The following YIF1A variants were observed in gnomAD, a reference collection of about 807,000 sequenced individuals.
YIF1A encodes Yip1 interacting factor homolog A, membrane trafficking protein.
YIF1A carries 28 observed loss-of-function variants against 32.6 expected under a neutral mutation model. The observed-to-expected ratio is 0.86, with a 90% confidence interval of 0.64 to 1.18. The LOEUF (loss-of-function observed/expected upper bound fraction) is 1.18, where lower values mean the gene tolerates loss of function less well. YIF1A is among the 50% of genes most tolerant of loss of function. The pLI is 0.00. For missense variants in YIF1A, 373 were observed against 390.8 expected (o/e 0.95, Z 0.38); for synonymous variants, 175 against 162.2 (o/e 1.08, Z -0.60).
Position 66,285,450 on chromosome 11 carries a change from T to C in YIF1A, c.572A>G (p.Tyr191Cys), listed in dbSNP as rs1857339722. The stretch of plus-strand genomic sequence containing the variant: ...CAGGTCACTGCGCACGGTGGCCAGG[T>C]AGAGGCCCAGGAGCAGGGCCAGCAC... ...MEVLALLLGL[Y>C]LATVRSDLST... Residue 191 changes from tyrosine to cysteine, a missense_variant, in exon 6 of 8, where the codon TAC (tyrosine) becomes TGC (cysteine). Physicochemically the swap from Tyr to Cys is radical, Grantham distance 194. Coordinates refer to ENST00000376901, the MANE Select transcript of YIF1A (RefSeq NM_020470.3). 6.2e-7 allele frequency: 1 copy of C among 1,613,128 alleles called. No individual in the cohort carries two copies. Among genetic ancestry groups the C allele is most frequent in the African/African-American group, 1.3e-5 (1 of 74,892 alleles).
rs755842159 is a variant in YIF1A at position 66,288,342 on chromosome 11, C to G, written c.32-50G>C. The G allele has an allele frequency of 2.5e-6, 4 of 1,606,402 alleles. No homozygotes were observed. In the African/African-American group the frequency reaches 5.3e-5, roughly 21 times the overall value. ...AGATGACAGAAATACCAAGCATGAG[C>G]CCAAACCACCGCCCCTTCCCTGGCT... is the stretch of plus-strand genomic sequence containing the variant. On this transcript the variant is annotated intron_variant, in intron 1 of 7. Transcript: ENST00000376901.
rs1857415773 is a variant in YIF1A, at chr11:66,289,124, GCCA to G, written c.-142_-140del. ...CACGTCCCCCACCCCGCCGGTCTCG[GCCA>G]CCATGTCCGTGGCGTCATCCCCCGC... is the stretch of plus-strand genomic sequence containing the variant. On this transcript the variant is annotated 5_prime_UTR_variant, in exon 1 of 8. Coordinates refer to ENST00000376901, the MANE Select transcript of YIF1A (RefSeq NM_020470.3). The G allele has an allele frequency of 3.1e-6, 4 of 1,281,964 alleles. No individual in the cohort carries two copies. The highest frequency in any genetic ancestry group is 4.1e-6 in the Non-Finnish European group (4 of 983,808). The allele number at this position is 1,281,964 out of a possible 1,614,324, so 79.4% of individuals were successfully genotyped here. A position where few individuals can be genotyped will look rare whatever the true frequency, so the allele number is the denominator to read the frequency against.
At chr11:66,288,051 T>C (rs1279676423) in intron 2 of YIF1A, 30 bp downstream of exon 2, 1 of 1,610,766 alleles carries the variant, frequency 6.2e-7, no homozygotes, top group Non-Finnish European at 8.5e-7. Flanking sequence ...CCAAAAATTC[T>C]GCCACCCGTG....
Position 66,289,105 on chromosome 11 carries a change from C to A in YIF1A, c.-120G>T. 7.4e-7 allele frequency: 1 copy of A among 1,345,344 alleles called. No homozygotes were observed. Among genetic ancestry groups the A allele is most frequent in the Non-Finnish European group, 9.7e-7 (1 of 1,034,836 alleles). 83.3% of individuals were successfully genotyped at this position (1,345,344 alleles called of 1,614,324 possible). On this transcript the variant is annotated 5_prime_UTR_variant, in exon 1 of 8. Transcript: ENST00000376901. ...AGGCCACCCGGCCGCGCGACACGTCCCCCACCCCGCCGGTCTCGGCCACCA... is the reference window on the plus strand; with the variant it reads ...AGGCCACCCGGCCGCGCGACACGTCACCCACCCCGCCGGTCTCGGCCACCA...
At chr11:66,286,667 G>A (rs775597052) in intron 4 of YIF1A, among the ~76,000 whole-genome samples, 4 of 152,174 alleles carry the variant, frequency 2.6e-5, no homozygotes, top group South Asian at 2.1e-4. Flanking sequence ...GACCACCAGC[G>A]GGGAGTGTCT....
chr11:66,284,806 C>G (rs779712645), intron 7 of YIF1A, 23 bp from the exon 8 acceptor site: 6 of 1,611,236 alleles, frequency 3.7e-6, no homozygotes, highest in Admixed American at 1.7e-5. Flanking sequence ...AGAACTGAAG[C>G]CTGGCCAGGA....
rs1275337614 is a variant in YIF1A, at chr11:66,288,196, G to A, written c.128C>T (p.Thr43Ile). ...YSSQPGGYPA[T>I]GADVAFSVNH... ...GACACTGAAGGCCACGTCTGCTCCT[G>A]TGGCTGGGTATCCCCCGGGCTGGCT... Residue 43 changes from threonine to isoleucine, a missense_variant, in exon 2 of 8, where the codon ACA becomes ATA. Physicochemically the swap from Thr to Ile is moderately conservative, Grantham distance 89. Transcript: ENST00000376901. 18 of 1,614,054 alleles carry A rather than the reference G, an allele frequency of 1.1e-5. No individual in the cohort carries two copies. The highest frequency in any genetic ancestry group is 5.0e-5 in the Admixed American group (3 of 60,016).
At position 66,288,151 on chromosome 11, in the gene YIF1A, G is replaced by C. The variant is rs754013526; in HGVS notation, c.173C>G (p.Pro58Arg). ...ATAGGCCATAGCCACATTGGCCATTGGGTCCCCAAGCAAGTGGTTGACACT... is the reference window on the plus strand; with the variant it reads ...ATAGGCCATAGCCACATTGGCCATTCGGTCCCCAAGCAAGTGGTTGACACT... ...AFSVNHLLGD[P>R]MANVAMAYGS... is the part of the protein sequence containing the mutation. Residue 58 changes from proline (P) to arginine (R), a missense_variant, in exon 2 of 8, where the codon CCA (proline) becomes CGA (arginine). Physicochemically the swap from Pro to Arg is moderately radical, Grantham distance 103. Transcript: ENST00000376901. 1 of 1,614,074 alleles carries C rather than the reference G, an allele frequency of 6.2e-7. No individual in the cohort carries two copies. The highest frequency in any genetic ancestry group is 8.5e-7 in the Non-Finnish European group (1 of 1,180,050).
Position 66,287,753 on chromosome 11 carries a change from G to C in YIF1A, c.348+59C>G, listed in dbSNP as rs1435375290. 4 of 1,609,504 alleles carry C rather than the reference G, an allele frequency of 2.5e-6. No individual in the cohort carries two copies. The African/African-American group carries it at 4.0e-5, about 16-fold the overall frequency. Reference sequence around the variant, plus strand: ...AGAGGAGAGAAGGGGGTTGAGGTCTGGGGGCCAGACTCGGGCAGAATGAGG... The same window carrying C: ...AGAGGAGAGAAGGGGGTTGAGGTCTCGGGGCCAGACTCGGGCAGAATGAGG... On this transcript the variant is annotated intron_variant, in intron 3 of 7. Transcript: ENST00000376901.
intron 6 of YIF1A, 187 bp downstream of exon 6, chr11:66,285,194 C>T: frequency 9.8e-7 from 1 of 1,020,890 alleles, no homozygotes; most frequent in Non-Finnish European, 1.4e-6. Flanking sequence ...CAGAGTGACT[C>T]TCAACACCTC....
Position 66,287,697 on chromosome 11 carries a change from A to T in YIF1A, c.349-21T>A. The T allele has an allele frequency of 6.2e-7, 1 of 1,611,542 alleles. No individual in the cohort carries two copies. The highest frequency in any genetic ancestry group is 8.5e-7 in the Non-Finnish European group (1 of 1,178,528). On this transcript the variant is annotated intron_variant, in intron 3 of 7. Coordinates refer to ENST00000376901, the MANE Select transcript of YIF1A (RefSeq NM_020470.3). ...CAGTTCTGGCAGTGGCAGTGGCAGC[A>T]GCGGCCACATCAGGAGGGGAAGAAG...
chr11:66,287,857 G>A lies in YIF1A; in HGVS notation c.303C>T (p.Tyr101=), dbSNP rs751764530. The part of the protein sequence containing the change: ...LKYFFAVDTA[Y]VAKKLGLLVF... ...CCAGCAGCCCTAGCTTCTTGGCCAC[G>A]TAGGCTGTGTCCACAGCAAAAAAAT... The change falls in exon 3 of 8, where the codon TAC becomes TAT. Residue 101 remains tyrosine, a synonymous_variant. Transcript: ENST00000376901. 20 of 1,613,850 alleles carry A rather than the reference G, an allele frequency of 1.2e-5. No homozygotes were observed. In the South Asian group the frequency reaches 1.3e-4, roughly 11 times the overall value.
chr11:66,289,012 G>A lies in YIF1A; in HGVS notation c.-27C>T. On this transcript the variant is annotated 5_prime_UTR_variant, in exon 1 of 8. Coordinates refer to ENST00000376901, the MANE Select transcript of YIF1A (RefSeq NM_020470.3). ...GCCGCGACGCTCGCTGTCCCCGAGG[G>A]CCCGCTGCGCCGCCTCGTGGGTACG... 1.3e-6 allele frequency: 2 copies of A among 1,574,060 alleles called. No individual in the cohort carries two copies. Among genetic ancestry groups the A allele is most frequent in the Admixed American group, 1.8e-5 (1 of 57,112 alleles).
chr11:66,288,805 G>A, intron 1 of YIF1A, 150 bp downstream of exon 1: 6 of 955,562 alleles, frequency 6.3e-6, no homozygotes, highest in Non-Finnish European at 8.8e-6. Context: ...CGAAGTCCGG[G>A]ACGTGTTGGA....
chr11:66,285,786 G>T (rs183514562), intron 4 of YIF1A, 28 bp from the exon 5 acceptor site: 4 of 1,611,168 alleles, frequency 2.5e-6, no homozygotes, highest in Non-Finnish European at 3.4e-6. Context: ...GATGCCATCA[G>T]CTTGGCTTCC....
chr11:66,284,778 G>A lies in YIF1A; in HGVS notation c.741C>T (p.Arg247=). 2 of 1,611,590 alleles carry A rather than the reference G, an allele frequency of 1.2e-6. No homozygotes were observed. The highest frequency in any genetic ancestry group is 1.7e-6 in the Non-Finnish European group (2 of 1,179,214). The change falls in exon 8 of 8, where the codon CGC becomes CGT. Residue 247 remains arginine (R), a synonymous_variant. Coordinates refer to ENST00000376901, the MANE Select transcript of YIF1A (RefSeq NM_020470.3). ...TSSALMYFIV[R]SLRTAALGPD... is the part of the protein sequence containing the mutation. Reference sequence around the variant, plus strand: ...GGCCCAGGGCTGCTGTCCGCAAAGAGCGCACCTGGAAGAAAGGAGAACTGA... The same window carrying A: ...GGCCCAGGGCTGCTGTCCGCAAAGAACGCACCTGGAAGAAAGGAGAACTGA...
rs1274558292 is a variant in YIF1A, at chr11:66,288,264, C to T, written c.60G>A (p.Pro20=). ...HGSKHRARAA[P]DPPPLFDDTS... ...TGTCATCGAAGAGGGGAGGGGGATC[C>T]GGGGCTGCCCGGGCCCTGTGCTTGG... The change falls in exon 2 of 8, where the codon CCG becomes CCA. Residue 20 remains proline, a synonymous_variant. Coordinates refer to ENST00000376901, the MANE Select transcript of YIF1A (RefSeq NM_020470.3). 3.7e-6 allele frequency: 6 copies of T among 1,613,928 alleles called. No homozygotes were observed. Among genetic ancestry groups the T allele is most frequent in the Non-Finnish European group, 5.1e-6 (6 of 1,180,040 alleles).
chr11:66,288,942 G>A lies in YIF1A; in HGVS notation c.31+13C>T, dbSNP rs777183752. 6.7e-7 allele frequency: 1 copy of A among 1,501,052 alleles called. No individual in the cohort carries two copies. Among genetic ancestry groups the A allele is most frequent in the Non-Finnish European group, 8.8e-7 (1 of 1,135,510 alleles). The allele number at this position is 1,501,052 out of a possible 1,614,324, so 93.0% of individuals were successfully genotyped here. On this transcript the variant is annotated intron_variant, in intron 1 of 7. Transcript: ENST00000376901. ...CCGCCGGCCGCGCCGCGCCCCGCCC[G>A]CGCCCCACGCACCGTGGGCTCCGTA... is the stretch of plus-strand genomic sequence containing the variant.
rs1197885769 is a variant in YIF1A, at chr11:66,288,213, G to A, written c.111C>T (p.Pro37=). The change falls in exon 2 of 8, where the codon CCC becomes CCT. Residue 37 remains proline (P), a synonymous_variant. Transcript: ENST00000376901. ...DDTSGGYSSQ[P]GGYPATGADV... is the part of the protein sequence containing the mutation. ...CTGCTCCTGTGGCTGGGTATCCCCC[G>A]GGCTGGCTGGAATAACCACCGCTTG... is the stretch of plus-strand genomic sequence containing the variant. 6.2e-7 allele frequency: 1 copy of A among 1,614,026 alleles called. No individual in the cohort carries two copies. Among genetic ancestry groups the A allele is most frequent in the Non-Finnish European group, 8.5e-7 (1 of 1,180,004 alleles).
Sources: gnomAD v4.1 joint callset for allele counts (sites outside exome capture counted in the v4.1 genomes callset) on GRCh38, gnomAD v4.1.1 for gene constraint, MANE v1.5 for transcripts, NCBI Gene and HGNC (gene_info 2026-07-23, HGNC 2026-07-21) for gene names.